Variants in SHC3 observed in about 807,000 individuals in gnomAD.
SHC3 encodes SHC-transforming protein 3.
SHC3 carries 15 observed loss-of-function variants against 60.4 expected under a neutral mutation model. That is an observed-to-expected ratio of 0.25 (90% CI 0.17 to 0.38). The LOEUF (loss-of-function observed/expected upper bound fraction) is 0.38. Among genes scored for constraint, SHC3 ranks in the 10% least tolerant of loss-of-function variants. SHC3 has a pLI of 1.00. For synonymous variants in SHC3, 294 were observed against 325.9 expected (o/e 0.90, Z 1.05); for missense variants, 677 against 786.1 (o/e 0.86, Z 1.66).
At chr9:89,132,916 A>T (rs1250451515) in intron 1 of SHC3, among the ~76,000 whole-genome samples, 1 of 152,208 alleles carries the variant, frequency 6.6e-6, no homozygotes, top group Non-Finnish European at 1.5e-5. Context: ...AATGGGATCT[A>T]ATTAAACTAA....
intron 4 of SHC3, among the ~76,000 whole-genome samples, chr9:89,074,257 A>G (rs1279711358): frequency 6.6e-6 from 1 of 152,144 alleles, no homozygotes; most frequent in Non-Finnish European, 1.5e-5. Flanking sequence ...CAATGTCGGA[A>G]TCAGGTAGAG....
rs527525550 is a variant in SHC3 at position 89,145,718 on chromosome 9, T to A, written c.474+32269A>T. 3.3e-5 allele frequency among the ~76,000 whole-genome samples: 5 copies of A among 152,270 alleles called. No individual in the cohort carries two copies. The East Asian group carries it at 9.6e-4, about 29-fold the overall frequency. On this transcript the variant is annotated intron_variant, in intron 1 of 11. Transcript: ENST00000375835. ...ATTTTTTTTAAATAAATGAAAATAA[T>A]CTTCCATTCTTGGTGCAATGTTAGA...
In SHC3 at chr9:89,007,151, G is replaced by A. The variant is rs1355913472; in HGVS notation, c.*6296C>T. 1 of 152,240 alleles carries A rather than the reference G, an allele frequency of 6.6e-6. No individual in the cohort carries two copies. The highest frequency in any genetic ancestry group is 1.5e-5 in the Non-Finnish European group (1 of 68,054). The allele number at this position is 152,240 out of a possible 1,614,324, so 9.4% of individuals were successfully genotyped here. On this transcript the variant is annotated 3_prime_UTR_variant, in exon 12 of 12. Coordinates refer to ENST00000375835, the MANE Select transcript of SHC3 (RefSeq NM_016848.6). ...AATTCAGAGCATCTGTGACAGCCAG[G>A]AGGAGGAAAGAAGGGAGGCTGGGAT...
rs559244852 is a variant in SHC3 at position 89,080,914 on chromosome 9, C to T, written c.546-3011G>A. 1.3e-3 allele frequency among the ~76,000 whole-genome samples: 200 copies of T among 151,740 alleles called. 1 individual carries two copies. The highest frequency in any genetic ancestry group is 4.6e-3 in the African/African-American group (191 of 41,352). Reference sequence around the variant, plus strand: ...CCCAAGTAGCTGGGACTGCAGGCGCCGGCCACCACGCCCAGCTAATTTTTT... The same window carrying T: ...CCCAAGTAGCTGGGACTGCAGGCGCTGGCCACCACGCCCAGCTAATTTTTT... On this transcript the variant is annotated intron_variant, in intron 2 of 11. Transcript: ENST00000375835.
At chr9:89,062,736 G>C (rs2117970550) in intron 6 of SHC3, among the ~76,000 whole-genome samples, 1 of 152,322 alleles carries the variant, frequency 6.6e-6, no homozygotes, top group South Asian at 2.1e-4. Flanking sequence ...CCAGTGTGGG[G>C]ACTTTTAAGA....
chr9:89,159,133 C>G (rs998360458), intron 1 of SHC3, among the ~76,000 whole-genome samples: 1 of 152,134 alleles, frequency 6.6e-6, no homozygotes, highest in Non-Finnish European at 1.5e-5. Context: ...AAAGAAAGCT[C>G]TACCATCTTT....
At chr9:89,130,342 C>A (rs141173579) in intron 1 of SHC3, among the ~76,000 whole-genome samples, 2,010 of 152,058 alleles carry the variant, frequency 0.013, 28 homozygotes, top group Non-Finnish European at 0.018. Context: ...CACTGTTAAC[C>A]TTAGACAGAT....
chr9:89,162,470 C>A (rs1445973133), intron 1 of SHC3, among the ~76,000 whole-genome samples: 1 of 152,086 alleles, frequency 6.6e-6, no homozygotes, highest in Non-Finnish European at 1.5e-5. Context: ...TTTGACAAAC[C>A]TGAGAAAAAC....
chr9:89,082,226 A>G (rs552134022), intron 2 of SHC3, among the ~76,000 whole-genome samples: 1 of 152,180 alleles, frequency 6.6e-6, no homozygotes, highest in South Asian at 2.1e-4. Context: ...GCAAGGAGGT[A>G]CCCATGGGTG....
At chr9:89,109,201 C>A (rs1825909518) in intron 2 of SHC3, 6 of 929,136 alleles carry the variant, frequency 6.5e-6, no homozygotes, top group Non-Finnish European at 7.7e-6. Context: ...TTGTTTCCAT[C>A]CCCAAATGAA....
At chr9:89,150,416 T>C (rs1826529598) in intron 1 of SHC3, among the ~76,000 whole-genome samples, 1 of 152,202 alleles carries the variant, frequency 6.6e-6, no homozygotes, top group Non-Finnish European at 1.5e-5. Context: ...TCTGTCTCTA[T>C]AGGTTTGCCA....
chr9:89,006,122 CT>C lies in SHC3; in HGVS notation c.*7324del, dbSNP rs1825935582. On this transcript the variant is annotated 3_prime_UTR_variant, in exon 12 of 12. Transcript: ENST00000375835. ...ATTATAACAAGAAGTGCAGCATTAC[CT>C]AAATTGGGTGTGTCATCTTCCCCTC... The C allele has an allele frequency of 6.6e-6, 1 of 152,190 alleles. No homozygotes were observed. The highest frequency in any genetic ancestry group is 6.5e-5 in the Admixed American group (1 of 15,270). 9.4% of individuals were successfully genotyped at this position (152,190 alleles called of 1,614,324 possible).
chr9:89,024,500 G>C (rs2118650291), intron 11 of SHC3, among the ~76,000 whole-genome samples: 1 of 152,292 alleles, frequency 6.6e-6, no homozygotes. Flanking sequence ...GTGAGGAGAA[G>C]ACAGTTTTGA....
rs533029387 is a variant in SHC3, at chr9:89,068,182, C to CT, written c.784-2603dup. Among the ~76,000 whole-genome samples, 261 of 152,326 alleles carry CT rather than the reference C, an allele frequency of 1.7e-3. 1 individual carries two copies. The highest frequency in any genetic ancestry group is 6.1e-3 in the African/African-American group (254 of 41,572). ...TGAGAAGTGCTGTTCTGCATCTATT[C>CT]TATACCTGTTCCCACTCCCCAAGAC... On this transcript the variant is annotated intron_variant, in intron 5 of 11. Coordinates refer to ENST00000375835, the MANE Select transcript of SHC3 (RefSeq NM_016848.6).
intron 11 of SHC3, among the ~76,000 whole-genome samples, chr9:89,018,695 C>CTT (rs745625210): frequency 1.8e-4 from 24 of 135,330 alleles, no homozygotes; most frequent in African/African-American, 4.9e-4. Context: ...TTCTTTCTTT[C>CTT]TTTCTTTTTT....
chr9:89,154,642 C>G (rs970073330), intron 1 of SHC3, among the ~76,000 whole-genome samples: 1 of 152,200 alleles, frequency 6.6e-6, no homozygotes, highest in Non-Finnish European at 1.5e-5. Context: ...TCTCCTCTCA[C>G]AGAGAAAATT....
intron 1 of SHC3, among the ~76,000 whole-genome samples, chr9:89,177,689 C>T (rs1177185405): frequency 1.3e-5 from 2 of 152,220 alleles, no homozygotes; most frequent in East Asian, 1.9e-4. Context: ...TGACACTGGT[C>T]AGACATCTGG....
chr9:89,171,173 C>T (rs1208351115), intron 1 of SHC3, among the ~76,000 whole-genome samples: 1 of 152,036 alleles, frequency 6.6e-6, no homozygotes, highest in Non-Finnish European at 1.5e-5. Context: ...GTATACAGTA[C>T]CTCTGCTAAA....
chr9:89,007,728 T>C lies in SHC3; in HGVS notation c.*5719A>G, dbSNP rs1051711181. 1 of 152,330 alleles carries C rather than the reference T, an allele frequency of 6.6e-6. No individual in the cohort carries two copies. Among genetic ancestry groups the C allele is most frequent in the African/African-American group, 2.4e-5 (1 of 41,460 alleles). The allele number at this position is 152,330 out of a possible 1,614,324, so 9.4% of individuals were successfully genotyped here. ...CTTGTTTTATCCTCCCCTTCCCTTC[T>C]TCTCACCTTTATTCTGCCTCCACCT... On this transcript the variant is annotated 3_prime_UTR_variant, in exon 12 of 12. Coordinates refer to ENST00000375835, the MANE Select transcript of SHC3 (RefSeq NM_016848.6).
Sources: allele counts gnomAD v4.1 joint callset (sites outside exome capture counted in the v4.1 genomes callset), GRCh38; gene constraint gnomAD v4.1.1; transcripts MANE v1.5; gene names NCBI Gene and HGNC (gene_info 2026-07-23, HGNC 2026-07-21).